Variants in HOXD8 observed in about 807,000 individuals in gnomAD.
HOXD8 encodes the protein homeobox protein Hox-D8.
In HOXD8, 17 loss-of-function variants were observed where a neutral mutation model predicts 25.4. That is an observed-to-expected ratio of 0.67 (90% CI 0.46 to 1.00). HOXD8 has a LOEUF of 1.00. HOXD8 is among the 50% of genes least tolerant of loss of function. HOXD8 has a pLI of 0.00. For missense variants in HOXD8, 511 were observed against 398.5 expected, an observed-to-expected ratio of 1.28 and a Z score of -2.40; for synonymous variants, 203 against 175.3, an observed-to-expected ratio of 1.16 and a Z score of -1.25.
chr2:176,130,718 C>T lies in HOXD8; in HGVS notation c.352C>T (p.Pro118Ser). Residue 118 changes from proline to serine, a missense_variant, in exon 1 of 2, where the codon CCG (proline) becomes TCG (serine). Transcript: ENST00000313173. The part of the protein sequence containing the change: ...APPPPPHPPP[P>S]PPPPPCGGIA... ...CCCTCCTCCTCCGCATCCTCCGCCT[C>T]CGCCGCCACCTCCCCCCTGCGGCGG... The T allele has an allele frequency of 6.2e-7, 1 of 1,605,946 alleles. No homozygotes were observed. The highest frequency in any genetic ancestry group is 8.5e-7 in the Non-Finnish European group (1 of 1,175,490).
rs1186656008 is a variant in HOXD8, at chr2:176,132,342, CTCTGGCAAA to C, written c.*733_*741del. The C allele has an allele frequency of 2.6e-5, 4 of 152,226 alleles. No homozygotes were observed. Among genetic ancestry groups the C allele is most frequent in the African/African-American group, 9.6e-5 (4 of 41,452 alleles). 9.4% of individuals were successfully genotyped at this position (152,226 alleles called of 1,614,324 possible). On this transcript the variant is annotated 3_prime_UTR_variant, in exon 2 of 2. Transcript: ENST00000313173. ...CCATACAAATTAAATAATCTGGCAA[CTCTGGCAAA>C]TCGCCTTGTAAAATGCGTCTCATTT...
chr2:176,131,310 T>C lies in HOXD8; in HGVS notation c.578-7T>C. Reference sequence around the variant, plus strand: ...ATTCCCCCCCCCTTTTTTTTTGTTTTAATCAGCAGCTCCTGGTAGACGAAG... The same window carrying C: ...ATTCCCCCCCCCTTTTTTTTTGTTTCAATCAGCAGCTCCTGGTAGACGAAG... On this transcript the variant is annotated splice_region_variant and splice_polypyrimidine_tract_variant and intron_variant, in intron 1 of 1. Coordinates refer to ENST00000313173, the MANE Select transcript of HOXD8 (RefSeq NM_019558.4). 6.4e-7 allele frequency: 1 copy of C among 1,569,084 alleles called. No homozygotes were observed. The highest frequency in any genetic ancestry group is 8.6e-7 in the Non-Finnish European group (1 of 1,162,804).
At position 176,130,047 on chromosome 2, in the gene HOXD8, G is replaced by C. The variant is rs2105404343; in HGVS notation, c.-320G>C. 6.6e-6 allele frequency: 1 copy of C among 150,638 alleles called. No individual in the cohort carries two copies. Among genetic ancestry groups the C allele is most frequent in the Admixed American group, 6.6e-5 (1 of 15,120 alleles). The allele number at this position is 150,638 out of a possible 1,614,324, so 9.3% of individuals were successfully genotyped here. ...CGGCGATTATATTGCGGCCGAGCCG[G>C]GGCGCGCCGGGAAAGGCCGGGAGGG... On this transcript the variant is annotated 5_prime_UTR_variant, in exon 1 of 2. Transcript: ENST00000313173.
chr2:176,131,631 A>G lies in HOXD8; in HGVS notation c.*19A>G, dbSNP rs184720506. ...AAATTAACTTCTACCTTTAAAATTT[A>G]CCACAGACTATTAAAACTAATAATC... is the stretch of plus-strand genomic sequence containing the variant. On this transcript the variant is annotated 3_prime_UTR_variant, in exon 2 of 2. Coordinates refer to ENST00000313173, the MANE Select transcript of HOXD8 (RefSeq NM_019558.4). 8 of 1,318,496 alleles carry G rather than the reference A, an allele frequency of 6.1e-6. No homozygotes were observed. The highest frequency in any genetic ancestry group is 8.5e-6 in the Non-Finnish European group (8 of 936,206). The allele number at this position is 1,318,496 out of a possible 1,614,324, so 81.7% of individuals were successfully genotyped here.
rs1001595837 is a variant in HOXD8, at chr2:176,132,415, C to A, written c.*803C>A. 3 of 152,226 alleles carry A rather than the reference C, an allele frequency of 2.0e-5. No homozygotes were observed. The highest frequency in any genetic ancestry group is 4.4e-5 in the Non-Finnish European group (3 of 68,038). The allele number at this position is 152,226 out of a possible 1,614,324, so 9.4% of individuals were successfully genotyped here. ...CGTTTTGAACCGCCCTTGTAATCGC[C>A]TGAAATCGCTAGTTCTTTATGCGGT... On this transcript the variant is annotated 3_prime_UTR_variant, in exon 2 of 2. Coordinates refer to ENST00000313173, the MANE Select transcript of HOXD8 (RefSeq NM_019558.4).
rs1690088989 is a variant in HOXD8, at chr2:176,130,849, C to T, written c.483C>T (p.Asp161=). Residue 161 remains aspartate (D), a synonymous_variant, in exon 1 of 2, where the codon GAC becomes GAT. Coordinates refer to ENST00000313173, the MANE Select transcript of HOXD8 (RefSeq NM_019558.4). ...AGGCCGAGCTGGTACAATATCCTGA[C>T]TGTAAATCGTCCAGTGGTAATATTG... The part of the protein sequence containing the change: ...QQEAELVQYP[D]CKSSSGNIGE... The T allele has an allele frequency of 6.2e-7, 1 of 1,612,886 alleles. No homozygotes were observed. The highest frequency in any genetic ancestry group is 1.3e-5 in the African/African-American group (1 of 74,792).
chr2:176,131,699 A>C lies in HOXD8; in HGVS notation c.*87A>C. ...CCACCTATTTTCTTTGTTGGAAAGG[A>C]CCTTACCTGTGTTTCAAGCTACCTT... On this transcript the variant is annotated 3_prime_UTR_variant, in exon 2 of 2. Coordinates refer to ENST00000313173, the MANE Select transcript of HOXD8 (RefSeq NM_019558.4). 1 of 715,686 alleles carries C rather than the reference A, an allele frequency of 1.4e-6. No homozygotes were observed. Among genetic ancestry groups the C allele is most frequent in the Non-Finnish European group, 2.3e-6 (1 of 428,886 alleles). The allele number at this position is 715,686 out of a possible 1,614,324, so 44.3% of individuals were successfully genotyped here. A position where few individuals can be genotyped will look rare whatever the true frequency, so the allele number is the denominator to read the frequency against.
rs1690119180 is a variant in HOXD8 at position 176,131,687 on chromosome 2, T to C, written c.*75T>C. On this transcript the variant is annotated 3_prime_UTR_variant, in exon 2 of 2. Transcript: ENST00000313173. ...ATGCTGTGGACACCACCTATTTTCT[T>C]TGTTGGAAAGGACCTTACCTGTGTT... 4 of 792,122 alleles carry C rather than the reference T, an allele frequency of 5.0e-6. No homozygotes were observed. The East Asian group carries it at 1.1e-4, about 21-fold the overall frequency. The allele number at this position is 792,122 out of a possible 1,614,324, so 49.1% of individuals were successfully genotyped here. A position where few individuals can be genotyped will look rare whatever the true frequency, so the allele number is the denominator to read the frequency against.
At chr2:176,131,082 A>G (rs1690098937) in intron 1 of HOXD8, 139 bp downstream of exon 1, 6 of 698,058 alleles carry the variant, frequency 8.6e-6, no homozygotes, top group Non-Finnish European at 1.4e-5. Flanking sequence ...TCATAAAGTA[A>G]TACAGACTTT....
rs770852357 is a variant in HOXD8, at chr2:176,130,589, T to A, written c.223T>A (p.Ser75Thr). 7.0e-7 allele frequency: 1 copy of A among 1,425,000 alleles called. No individual in the cohort carries two copies. The highest frequency in any genetic ancestry group is 2.9e-5 in the Admixed American group (1 of 34,280). 88.3% of individuals were successfully genotyped at this position (1,425,000 alleles called of 1,614,324 possible). A position where few individuals can be genotyped will look rare whatever the true frequency, so the allele number is the denominator to read the frequency against. Residue 75 changes from serine to threonine, a missense_variant, in exon 1 of 2, where the codon TCC (serine) becomes ACC (threonine). Physicochemically the swap from Ser to Thr is moderately conservative, Grantham distance 58. Coordinates refer to ENST00000313173, the MANE Select transcript of HOXD8 (RefSeq NM_019558.4). ...GCAGGCGCACGCGCACCCGCACCCG[T>A]CCCCGCCGCCCTCCGGGACTGGGTG... ...PPQAHAHPHP[S>T]PPPSGTGCGG... is the part of the protein sequence containing the mutation.
rs1159735456 is a variant in HOXD8 at position 176,130,863 on chromosome 2, G to A, written c.497G>A (p.Ser166Asn). 6.2e-7 allele frequency: 1 copy of A among 1,612,740 alleles called. No homozygotes were observed. The highest frequency in any genetic ancestry group is 1.7e-5 in the Admixed American group (1 of 59,958). ...CAATATCCTGACTGTAAATCGTCCA[G>A]TGGTAATATTGGCGAGGACCCAGAC... ...LVQYPDCKSS[S>N]GNIGEDPDHL... Residue 166 changes from serine to asparagine, a missense_variant, in exon 1 of 2, where the codon AGT becomes AAT. Physicochemically the swap from Ser to Asn is conservative, Grantham distance 46. Transcript: ENST00000313173.
Position 176,131,507 on chromosome 2 carries a change from C to A in HOXD8, c.768C>A (p.Asn256Lys), listed in dbSNP as rs1690113375. ...QNRRMKWKKE[N>K]NKDKFPVSRQ... is the part of the protein sequence containing the mutation. ...GGAGAATGAAATGGAAAAAGGAAAACAACAAGGACAAATTTCCCGTTTCCC... is the reference window on the plus strand; with the variant it reads ...GGAGAATGAAATGGAAAAAGGAAAAAAACAAGGACAAATTTCCCGTTTCCC... The change falls in exon 2 of 2, where the codon AAC becomes AAA. Residue 256 changes from asparagine (N) to lysine (K), a missense_variant. Transcript: ENST00000313173. 6.2e-7 allele frequency: 1 copy of A among 1,613,342 alleles called. No individual in the cohort carries two copies. Among genetic ancestry groups the A allele is most frequent in the Admixed American group, 1.7e-5 (1 of 59,958 alleles).
At position 176,131,364 on chromosome 2, in the gene HOXD8, A is replaced by G; in HGVS notation, c.625A>G (p.Thr209Ala). Residue 209 changes from threonine to alanine, a missense_variant, in exon 2 of 2, where the codon ACT becomes GCT. Physicochemically the swap from Thr to Ala is moderately conservative, Grantham distance 58. Coordinates refer to ENST00000313173, the MANE Select transcript of HOXD8 (RefSeq NM_019558.4). ...RGRQTYSRFQ[T>A]LELEKEFLFN... is the part of the protein sequence containing the mutation. ...AAGACAAACCTACAGTCGCTTCCAA[A>G]CTCTAGAGTTGGAAAAGGAATTTCT... 6.2e-7 allele frequency: 1 copy of G among 1,612,058 alleles called. No individual in the cohort carries two copies. Among genetic ancestry groups the G allele is most frequent in the South Asian group, 1.1e-5 (1 of 90,844 alleles).
Position 176,131,578 on chromosome 2 carries a change from T to G in HOXD8, c.839T>G (p.Leu280Arg). The stretch of plus-strand genomic sequence containing the variant: ...GAAACGAAAAAGGAAGCCCAAGAGC[T>G]GGAGGAAGACAGAGCCGAAGGCCTG... Reference protein sequence around the residue: ...DGETKKEAQELEEDRAEGLTN With the variant: ...DGETKKEAQEREEDRAEGLTN Residue 280 changes from leucine (L) to arginine (R), a missense_variant, in exon 2 of 2, where the codon CTG becomes CGG. Physicochemically the swap from Leu to Arg is moderately radical, Grantham distance 102 (BLOSUM62 -2). Transcript: ENST00000313173. 6.2e-7 allele frequency: 1 copy of G among 1,608,622 alleles called. No homozygotes were observed. Among genetic ancestry groups the G allele is most frequent in the South Asian group, 1.1e-5 (1 of 90,786 alleles).
chr2:176,130,999 C>G (rs748445815), intron 1 of HOXD8, 56 bp downstream of exon 1: 3 of 1,194,408 alleles, frequency 2.5e-6, no homozygotes, highest in Non-Finnish European at 3.5e-6. Context: ...GCTTTCATCT[C>G]ACGTTCTGGC....
In HOXD8 at chr2:176,131,665, C is replaced by G. The variant is rs1204755741; in HGVS notation, c.*53C>G. On this transcript the variant is annotated 3_prime_UTR_variant, in exon 2 of 2. Transcript: ENST00000313173. ...TATTAAAACTAATAATCACCATATG[C>G]TGTGGACACCACCTATTTTCTTTGT... 1.1e-6 allele frequency: 1 copy of G among 891,582 alleles called. No individual in the cohort carries two copies. Among genetic ancestry groups the G allele is most frequent in the African/African-American group, 1.7e-5 (1 of 59,172 alleles). 55.2% of individuals were successfully genotyped at this position (891,582 alleles called of 1,614,324 possible).
chr2:176,129,725 C>T lies in HOXD8; in HGVS notation c.-642C>T, dbSNP rs1690035285. ...GATCCCTCCGCGGGGCTCCTCGTCC[C>T]CGTCACGCTGACTTTCCGTGCAGTG... is the stretch of plus-strand genomic sequence containing the variant. On this transcript the variant is annotated 5_prime_UTR_variant, in exon 1 of 2. Coordinates refer to ENST00000313173, the MANE Select transcript of HOXD8 (RefSeq NM_019558.4). The T allele has an allele frequency of 1.9e-5, 7 of 367,476 alleles. No individual in the cohort carries two copies. Among genetic ancestry groups the T allele is most frequent in the Non-Finnish European group, 3.4e-5 (6 of 178,414 alleles). The allele number at this position is 367,476 out of a possible 1,614,324, so 22.8% of individuals were successfully genotyped here.
rs1437401361 is a variant in HOXD8, at chr2:176,130,537, C to T, written c.171C>T (p.Ser57=). ...CAGCCCTGCAGCTCTATGGCAACAGCGCCGCCGGCTTCCCGCACGCGCCCC... is the reference window on the plus strand; with the variant it reads ...CAGCCCTGCAGCTCTATGGCAACAGTGCCGCCGGCTTCCCGCACGCGCCCC... The part of the protein sequence containing the change: ...AAAALQLYGN[S]AAGFPHAPPQ... The change falls in exon 1 of 2, where the codon AGC becomes AGT. Residue 57 remains serine (S), a synonymous_variant. Coordinates refer to ENST00000313173, the MANE Select transcript of HOXD8 (RefSeq NM_019558.4). 8.8e-6 allele frequency: 13 copies of T among 1,473,452 alleles called. No individual in the cohort carries two copies. The Admixed American group carries it at 2.8e-4, about 32-fold the overall frequency. The allele number at this position is 1,473,452 out of a possible 1,614,324, so 91.3% of individuals were successfully genotyped here. A position where few individuals can be genotyped will look rare whatever the true frequency, so the allele number is the denominator to read the frequency against.
chr2:176,131,231 G>A (rs1403922906), intron 1 of HOXD8, 86 bp from the exon 2 acceptor site: 5 of 1,316,588 alleles, frequency 3.8e-6, no homozygotes, highest in East Asian at 4.6e-5. Context: ...GTAGACCCCC[G>A]TTCCACAAAC....
Sources: allele counts gnomAD v4.1 joint callset, GRCh38; gene constraint gnomAD v4.1.1; transcripts MANE v1.5; gene names NCBI Gene and HGNC (gene_info 2026-07-23, HGNC 2026-07-21).